Variants in TDP1 observed in about 807,000 individuals in gnomAD.
The protein encoded by TDP1 is tyrosyl-DNA phosphodiesterase 1, also known as tyr-DNA phosphodiesterase 1.
TDP1 carries 64 observed loss-of-function variants against 81.5 expected under a neutral mutation model. That is an observed-to-expected ratio of 0.79 (90% CI 0.64 to 0.97). The LOEUF is 0.97. Among genes scored for constraint, TDP1 ranks in the 50% least tolerant of loss-of-function variants. The pLI is 0.00. For synonymous variants in TDP1, 256 were observed against 264.3 expected, an observed-to-expected ratio of 0.97 and a Z score of 0.30; for missense variants, 723 against 743.8, an observed-to-expected ratio of 0.97 and a Z score of 0.33.
chr14:89,971,230 C>T lies in TDP1; in HGVS notation c.715C>T (p.His239Tyr). Residue 239 changes from histidine (H) to tyrosine (Y), a missense_variant, in exon 6 of 17, where the codon CAT (histidine) becomes TAT (tyrosine). Coordinates refer to ENST00000335725, the MANE Select transcript of TDP1 (RefSeq NM_018319.4). Reference sequence around the variant, plus strand: ...TAAGCGAGAGGCTAAGGCTCACCTCCATGCCCAGGCCAAGCCTTACGAGAA... The same window carrying T: ...TAAGCGAGAGGCTAAGGCTCACCTCTATGCCCAGGCCAAGCCTTACGAGAA... ...GDKREAKAHL[H>Y]AQAKPYENIS... 1.2e-6 allele frequency: 2 copies of T among 1,614,158 alleles called. No individual in the cohort carries two copies. Among genetic ancestry groups the T allele is most frequent in the East Asian group, 2.2e-5 (1 of 44,882 alleles).
intron 8 of TDP1, among the ~76,000 whole-genome samples, chr14:89,983,923 T>C (rs35319220): frequency 0.012 from 1,764 of 152,388 alleles, 20 homozygotes; most frequent in Middle Eastern, 0.041. Context: ...GAATGTGATA[T>C]ATACTTAATC....
intron 15 of TDP1, among the ~76,000 whole-genome samples, chr14:90,024,563 A>G (rs1886438021): frequency 6.6e-6 from 1 of 152,188 alleles, no homozygotes; most frequent in African/African-American, 2.4e-5. Context: ...GGAGACTGTG[A>G]TTTTGGTCCA....
intron 16 of TDP1, among the ~76,000 whole-genome samples, chr14:90,041,731 T>C (rs35533688): frequency 0.021 from 3,219 of 152,280 alleles, 106 homozygotes; most frequent in African/African-American, 0.072. Flanking sequence ...GACAATAATA[T>C]GGGGAGTTAT....
intron 13 of TDP1, among the ~76,000 whole-genome samples, chr14:89,992,462 C>T (rs546246518): frequency 6.6e-6 from 1 of 152,162 alleles, no homozygotes; most frequent in Non-Finnish European, 1.5e-5. Context: ...CTTCACCCTC[C>T]TCCAGCCACA....
At chr14:89,964,680 CTCTTA>C (rs1345491040) in intron 3 of TDP1, among the ~76,000 whole-genome samples, 2 of 152,094 alleles carry the variant, frequency 1.3e-5, no homozygotes, top group East Asian at 1.9e-4. Context: ...TTTTGAGAAT[CTCTTA>C]TCTTGGTACT....
At chr14:90,020,195 T>A (rs904607467) in intron 15 of TDP1, among the ~76,000 whole-genome samples, 2 of 152,094 alleles carry the variant, frequency 1.3e-5, no homozygotes, top group African/African-American at 2.4e-5. Flanking sequence ...CTCTAAATGC[T>A]AGAATCACGC....
chr14:90,026,323 G>A lies in TDP1; in HGVS notation c.1645-6783G>A, dbSNP rs36123413. Among the ~76,000 whole-genome samples the A allele has an allele frequency of 2.8e-3, 431 of 152,290 alleles. 2 individuals are homozygous for A. Among genetic ancestry groups the A allele is most frequent in the Non-Finnish European group, 4.8e-3 (329 of 68,024 alleles). On this transcript the variant is annotated intron_variant, in intron 15 of 16. Coordinates refer to ENST00000335725, the MANE Select transcript of TDP1 (RefSeq NM_018319.4). ...CAGGGTTTCCCAGGAGGCCACAGCC[G>A]GGCAACAATTTGACATGGCGTATCT... is the stretch of plus-strand genomic sequence containing the variant.
chr14:90,026,261 T>C (rs1886636601), intron 15 of TDP1, among the ~76,000 whole-genome samples: 1 of 152,238 alleles, frequency 6.6e-6, no homozygotes, highest in Non-Finnish European at 1.5e-5. Flanking sequence ...CAATGCTGCC[T>C]ACCTGCCTTG....
chr14:90,013,099 T>G (rs551142031), intron 14 of TDP1, among the ~76,000 whole-genome samples: 14 of 152,342 alleles, frequency 9.2e-5, no homozygotes, highest in Admixed American at 2.6e-4. Context: ...TGACTTGCTG[T>G]TGATTTTACA....
chr14:89,957,130 CCTCTGGGT>C (rs922879987), intron 2 of TDP1: 4 of 152,132 alleles, frequency 2.6e-5, no homozygotes, highest in Non-Finnish European at 5.9e-5. Flanking sequence ...TCCTTTTGGC[CCTCTGGGT>C]CTCATTTATA....
At chr14:89,982,008 A>C (rs975131358) in intron 8 of TDP1, among the ~76,000 whole-genome samples, 1 of 152,016 alleles carries the variant, frequency 6.6e-6, no homozygotes, top group African/African-American at 2.4e-5. Context: ...AGTTTCCTTC[A>C]ACAGGTCTTG....
chr14:89,975,068 T>C (rs922941799), intron 6 of TDP1, among the ~76,000 whole-genome samples: 1 of 152,216 alleles, frequency 6.6e-6, no homozygotes, highest in Non-Finnish European at 1.5e-5. Flanking sequence ...TTGCCACCAC[T>C]TTCAGTGTTT....
intron 15 of TDP1, chr14:90,023,088 G>A: frequency 1.3e-6 from 1 of 762,074 alleles, no homozygotes; most frequent in Non-Finnish European, 2.4e-6. Context: ...GTAACGCATG[G>A]ATAAGCTGAG....
chr14:90,038,882 T>C (rs541096195), intron 16 of TDP1, among the ~76,000 whole-genome samples: 3 of 151,238 alleles, frequency 2.0e-5, no homozygotes, highest in African/African-American at 7.4e-5. Context: ...GGACCTGTTT[T>C]TGAAAGATCT....
intron 2 of TDP1, among the ~76,000 whole-genome samples, chr14:89,959,356 C>G (rs1892060322): frequency 6.6e-6 from 1 of 152,216 alleles, no homozygotes; most frequent in Non-Finnish European, 1.5e-5. Flanking sequence ...TGCTGGGCAC[C>G]AGAGCCTCTA....
chr14:90,026,289 A>G (rs994502362), intron 15 of TDP1, among the ~76,000 whole-genome samples: 1 of 152,084 alleles, frequency 6.6e-6, no homozygotes, highest in Non-Finnish European at 1.5e-5. Context: ...CCCATCTGTT[A>G]TGGGTCCCCA....
At chr14:89,999,280 A>G (rs10498624) in intron 14 of TDP1, among the ~76,000 whole-genome samples, 11,078 of 152,260 alleles carry the variant, frequency 0.073, 723 homozygotes, top group South Asian at 0.23. Flanking sequence ...TTGAGAATAA[A>G]TTCGTTATGA....
rs1038911940 is a variant in TDP1 at position 90,044,285 on chromosome 14, C to T, written c.*1142C>T. On this transcript the variant is annotated 3_prime_UTR_variant, in exon 17 of 17. Coordinates refer to ENST00000335725, the MANE Select transcript of TDP1 (RefSeq NM_018319.4). ...GACTTAATTTGATGCCTTAAATTCA[C>T]AAGTGAGGAAGCTAAGGCCTAGAAG... The T allele has an allele frequency of 6.6e-6, 1 of 152,206 alleles. No homozygotes were observed. The highest frequency in any genetic ancestry group is 6.5e-5 in the Admixed American group (1 of 15,280). 9.4% of individuals were successfully genotyped at this position (152,206 alleles called of 1,614,324 possible).
chr14:89,997,827 A>G (rs761586313), intron 14 of TDP1, among the ~76,000 whole-genome samples: 4 of 152,078 alleles, frequency 2.6e-5, no homozygotes, highest in African/African-American at 4.8e-5. Context: ...TATATATTCT[A>G]TTTTGGGTAT....
Sources: allele counts gnomAD v4.1 joint callset (sites outside exome capture counted in the v4.1 genomes callset), GRCh38; gene constraint gnomAD v4.1.1; transcripts MANE v1.5; gene names NCBI Gene and HGNC (gene_info 2026-07-23, HGNC 2026-07-21).